Variants in DMD observed in about 807,000 individuals in gnomAD.
DMD encodes the protein dystrophin, also known as mutant dystrophin.
A neutral mutation model predicts 330.1 loss-of-function variants in DMD; 63 were observed. The observed-to-expected ratio is 0.19, with a 90% confidence interval of 0.16 to 0.24. The LOEUF (loss-of-function observed/expected upper bound fraction) is 0.24. Ranked by LOEUF, DMD falls within the 10% of genes least tolerant of loss-of-function variation. The pLI, the probability that DMD is intolerant of heterozygous loss-of-function variation, is 1.00. For missense variants in DMD, 3,344 were observed against 2,684.1 expected (o/e 1.25, Z -5.43); for synonymous variants, 1,223 against 959.8 (o/e 1.27, Z -5.07).
At chrX:32,500,489 T>C (rs189492519) in intron 19 of DMD, among the ~76,000 whole-genome samples, 173 of 112,183 alleles carry the variant, frequency 1.5e-3, no homozygotes, top group Non-Finnish European at 2.7e-3. Context: ...AAGCTTGATA[T>C]ATAACTATGA....
intron 45 of DMD, among the ~76,000 whole-genome samples, chrX:31,966,972 T>C (rs2095356544): frequency 9.0e-6 from 1 of 110,752 alleles, no homozygotes; most frequent in Non-Finnish European, 1.9e-5. Context: ...TATATATTTA[T>C]AGTATGGTAT....
intron 44 of DMD, among the ~76,000 whole-genome samples, chrX:32,044,417 T>C (rs2096040379): frequency 9.9e-6 from 1 of 101,176 alleles, no homozygotes; most frequent in South Asian, 4.5e-4. Flanking sequence ...TATTTATTTA[T>C]TTATTTATTT....
intron 44 of DMD, among the ~76,000 whole-genome samples, chrX:32,184,149 T>TA (rs1427635710): frequency 8.6e-5 from 8 of 93,195 alleles, no homozygotes; most frequent in Non-Finnish European, 1.3e-4. Flanking sequence ...TCTTAAACAG[T>TA]ATGTATACAC....
intron 63 of DMD, among the ~76,000 whole-genome samples, chrX:31,252,349 T>C (rs1162835688): frequency 8.9e-6 from 1 of 112,125 alleles, no homozygotes; most frequent in Non-Finnish European, 1.9e-5. Context: ...TTATAAATCA[T>C]GCTAAGAGTA....
chrX:31,416,877 G>A (rs1424420667), intron 60 of DMD, among the ~76,000 whole-genome samples: 1 of 112,178 alleles, frequency 8.9e-6, no homozygotes, highest in Non-Finnish European at 1.9e-5. Context: ...TGGGGTAAGA[G>A]GGTCTTCTGC....
Position 33,013,153 on chromosome X carries a change from T to A in DMD, c.93+6986A>T, listed in dbSNP as rs761128943. On this transcript the variant is annotated intron_variant, in intron 2 of 78. Coordinates refer to ENST00000357033, the MANE Select transcript of DMD (RefSeq NM_004006.3). ...TAATAGGTATGGAAATATCATGAGT[T>A]TTAGAGTCCATTTTCTTGGGTCCTA... Among the ~76,000 whole-genome samples the A allele has an allele frequency of 2.7e-5, 3 of 110,722 alleles. No individual in the cohort carries two copies. In the South Asian group the frequency reaches 1.2e-3, roughly 42 times the overall value.
chrX:31,227,137 T>A (rs1003208271), intron 63 of DMD, among the ~76,000 whole-genome samples: 3 of 111,239 alleles, frequency 2.7e-5, no homozygotes, highest in Non-Finnish European at 5.6e-5. Context: ...TCCTCTCTTA[T>A]GACCCCAATT....
In DMD at chrX:32,217,608, G is replaced by A. The variant is rs140485105; in HGVS notation, c.6291-545C>T. 7.7e-3 allele frequency among the ~76,000 whole-genome samples: 839 copies of A among 109,375 alleles called. 18 individuals are homozygous for A. Among genetic ancestry groups the A allele is most frequent in the African/African-American group, 0.028 (805 of 29,222 alleles). The allele number at this position is 109,375 out of a possible 115,157, so 95.0% of individuals were successfully genotyped here. On this transcript the variant is annotated intron_variant, in intron 43 of 78. Coordinates refer to ENST00000357033, the MANE Select transcript of DMD (RefSeq NM_004006.3). ...ATATGAACAAAGTTACCAATATTGT[G>A]CTGTATATTTCAAAATAGTGAAAGA...
chrX:33,257,166 T>C (rs1420162654), intron 1 of DMD, among the ~76,000 whole-genome samples: 3 of 111,085 alleles, frequency 2.7e-5, no homozygotes, highest in African/African-American at 9.7e-5. Flanking sequence ...TTGCATTTAA[T>C]GTAAATACCA....
At chrX:31,679,624 G>T in intron 52 of DMD, 38 bp from the exon 53 acceptor site, 1 of 1,099,897 alleles carries the variant, frequency 9.1e-7, no homozygotes, top group Non-Finnish European at 1.3e-6. Context: ...AGTAGTAAAT[G>T]CTAGTCTGGA....
chrX:31,628,841 T>A (rs1256583975), intron 54 of DMD, among the ~76,000 whole-genome samples: 1 of 106,833 alleles, frequency 9.4e-6, no homozygotes, highest in African/African-American at 3.4e-5. Flanking sequence ...ATTTCCCCAT[T>A]CCTGTAATAT....
chrX:31,612,047 C>T (rs2077954507), intron 55 of DMD, among the ~76,000 whole-genome samples: 1 of 110,386 alleles, frequency 9.1e-6, no homozygotes, highest in African/African-American at 3.3e-5. Flanking sequence ...TTATTATTAT[C>T]GTTGAACCAT....
chrX:31,207,744 A>G (rs776036729), intron 65 of DMD, among the ~76,000 whole-genome samples: 2 of 111,748 alleles, frequency 1.8e-5, no homozygotes, highest in East Asian at 5.6e-4. Context: ...GAGGGAGAGG[A>G]GCAGAAAAGA....
intron 9 of DMD, among the ~76,000 whole-genome samples, chrX:32,685,184 A>C (rs2062761009): frequency 9.0e-6 from 1 of 111,461 alleles, no homozygotes; most frequent in African/African-American, 3.3e-5. Context: ...TGAGGTACCA[A>C]ATAGTTAAAA....
intron 29 of DMD, among the ~76,000 whole-genome samples, chrX:32,423,448 G>A (rs2098198834): frequency 9.1e-6 from 1 of 109,705 alleles, no homozygotes; most frequent in Non-Finnish European, 1.9e-5. Context: ...TGCAGTACAT[G>A]ATTATATGTA....
intron 44 of DMD, among the ~76,000 whole-genome samples, chrX:32,111,883 C>T (rs1205396554): frequency 1.8e-5 from 2 of 111,768 alleles, no homozygotes; most frequent in Non-Finnish European, 1.9e-5. Flanking sequence ...CCCGTTTTTG[C>T]CCATTGAGCA....
At chrX:32,143,845 C>T (rs2096765909) in intron 44 of DMD, among the ~76,000 whole-genome samples, 1 of 110,182 alleles carries the variant, frequency 9.1e-6, no homozygotes, top group Non-Finnish European at 1.9e-5. Flanking sequence ...CCACCGTGCC[C>T]GGCCACAAAT....
intron 29 of DMD, among the ~76,000 whole-genome samples, chrX:32,436,459 G>C (rs1310033175): frequency 9.0e-6 from 1 of 111,510 alleles, no homozygotes; most frequent in East Asian, 2.8e-4. Flanking sequence ...AATACGTGTT[G>C]AATCAGGGTA....
chrX:33,090,575 C>G (rs1490308385), intron 1 of DMD, among the ~76,000 whole-genome samples: 1 of 108,943 alleles, frequency 9.2e-6, no homozygotes, highest in South Asian at 3.9e-4. Context: ...CAGAATGGAT[C>G]GGACACTATA....
Sources: gnomAD v4.1 joint callset for allele counts (sites outside exome capture counted in the v4.1 genomes callset) on GRCh38, gnomAD v4.1.1 for gene constraint, MANE v1.5 for transcripts, NCBI Gene and HGNC (gene_info 2026-07-23, HGNC 2026-07-21) for gene names.